The following DRC9 variants were observed in gnomAD, a reference collection of about 807,000 sequenced individuals.
DRC9 encodes dynein regulatory complex protein 9.
chr3:197,942,880 C>T, the DRC9 span, among the ~76,000 whole-genome samples: 30,736 of 142,330 alleles, frequency 0.22, 4,440 homozygotes, highest in African/African-American at 0.44. Context: ...GCAACAAGAG[C>T]GAAACTCCAT....
the DRC9 span, among the ~76,000 whole-genome samples, chr3:197,891,266 G>A: frequency 6.6e-6 from 1 of 152,122 alleles, no homozygotes; most frequent in African/African-American, 2.4e-5. Flanking sequence ...CCTTTTCTAT[G>A]TTAACTGTCT....
chr3:197,943,669 G>T, the DRC9 span: 1 of 876,474 alleles, frequency 1.1e-6, no homozygotes. Flanking sequence ...AAGAAGGAAA[G>T]AGAGAGAGAG....
At chr3:197,943,338 G>A in the DRC9 span, among the ~76,000 whole-genome samples, 2 of 152,262 alleles carry the variant, frequency 1.3e-5, no homozygotes, top group South Asian at 4.1e-4. Context: ...TTGAGTTATG[G>A]CAATTTCACT....
chr3:197,923,337 GTC>G, the DRC9 span, among the ~76,000 whole-genome samples: 91 of 152,266 alleles, frequency 6.0e-4, no homozygotes, highest in African/African-American at 2.1e-3. Flanking sequence ...TAGAGACAGA[GTC>G]TTGCTATGTT....
At chr3:197,936,865 G>C in the DRC9 span, among the ~76,000 whole-genome samples, 1 of 151,608 alleles carries the variant, frequency 6.6e-6, no homozygotes, top group Non-Finnish European at 1.5e-5. Flanking sequence ...GACATGAAGC[G>C]GGCAATTTAT....
At chr3:197,959,522 AG>A in the DRC9 span, 9 of 152,300 alleles carry the variant, frequency 5.9e-5, no homozygotes, top group African/African-American at 2.2e-4. Context: ...CCAGTATAGT[AG>A]CTTACCTATT....
chr3:197,952,990 A>G, the DRC9 span, among the ~76,000 whole-genome samples: 2 of 151,104 alleles, frequency 1.3e-5, no homozygotes, highest in African/African-American at 4.9e-5. Context: ...TAGTAGAGAC[A>G]GGGTTTCACC....
the DRC9 span, among the ~76,000 whole-genome samples, chr3:197,920,052 T>A: frequency 0.055 from 6,970 of 127,494 alleles, 191 homozygotes; most frequent in South Asian, 0.079. Context: ...AAAAAAAAAA[T>A]ACAAAAATTA....
chr3:197,912,643 A>G, the DRC9 span: 1 of 1,519,454 alleles, frequency 6.6e-7, no homozygotes, highest in Admixed American at 1.7e-5. Flanking sequence ...ACAAAAAAAA[A>G]GTCAAAGCAT....
chr3:197,943,515 T>A, the DRC9 span, among the ~76,000 whole-genome samples: 278 of 152,044 alleles, frequency 1.8e-3, 1 homozygote, highest in African/African-American at 6.5e-3. Flanking sequence ...AGTGCAGGCC[T>A]GTAGTCCCAG....
At chr3:197,953,981 T>C in the DRC9 span, 35 of 1,611,800 alleles carry the variant, frequency 2.2e-5, no homozygotes, top group Non-Finnish European at 1.6e-5. Context: ...TGTATTCCTC[T>C]TCTTTCCCTT....
At chr3:197,950,981 A>G in the DRC9 span, 6 of 1,612,100 alleles carry the variant, frequency 3.7e-6, no homozygotes, top group Non-Finnish European at 5.1e-6. Context: ...TCTGGAAGGT[A>G]CGCGTTTTAA....
At chr3:197,926,597 G>A in the DRC9 span, among the ~76,000 whole-genome samples, 1 of 152,142 alleles carries the variant, frequency 6.6e-6, no homozygotes, top group Admixed American at 6.6e-5. Flanking sequence ...TACAGGGGGC[G>A]TAAGTCAGCA....
the DRC9 span, chr3:197,912,772 G>C: frequency 6.3e-7 from 1 of 1,589,428 alleles, no homozygotes; most frequent in South Asian, 1.1e-5. Flanking sequence ...TCAGATACCA[G>C]TACGTCTTCC....
the DRC9 span, among the ~76,000 whole-genome samples, chr3:197,953,064 G>A: frequency 2.6e-5 from 4 of 152,210 alleles, no homozygotes; most frequent in East Asian, 7.7e-4. Flanking sequence ...CTCCCAAAGT[G>A]CTGGGATTAC....
the DRC9 span, among the ~76,000 whole-genome samples, chr3:197,918,332 G>C: frequency 7.5e-6 from 1 of 133,520 alleles, no homozygotes; most frequent in Non-Finnish European, 1.5e-5. Flanking sequence ...TCAAACTCCT[G>C]GTCTCAAACA....
chr3:197,893,569 C>T, the DRC9 span, among the ~76,000 whole-genome samples: 13 of 151,714 alleles, frequency 8.6e-5, no homozygotes, highest in Non-Finnish European at 1.6e-4. Context: ...TAGGGCCGGG[C>T]GCAGTGGCTC....
At chr3:197,931,057 AAAAG>A in the DRC9 span, among the ~76,000 whole-genome samples, 13 of 152,034 alleles carry the variant, frequency 8.6e-5, no homozygotes, top group African/African-American at 1.9e-4. Flanking sequence ...AAAAGAAAAG[AAAAG>A]AAAGAAAGAG....
chr3:197,923,071 G>C, the DRC9 span, among the ~76,000 whole-genome samples: 2,809 of 152,212 alleles, frequency 0.018, 91 homozygotes, highest in African/African-American at 0.064. Context: ...ATAAGAGAAG[G>C]TGTTAGGCAA....
Sources: gnomAD v4.1 joint callset for allele counts (sites outside exome capture counted in the v4.1 genomes callset) on GRCh38, gnomAD v4.1.1 for gene constraint, MANE v1.5 for transcripts, NCBI Gene and HGNC (gene_info 2026-07-23, HGNC 2026-07-21) for gene names.